RNF217: variants seen among roughly 807,000 people sequenced by gnomAD.
The protein encoded by RNF217 is E3 ubiquitin-protein ligase RNF217.
Under a neutral mutation model 57.8 loss-of-function variants are expected in RNF217, and 31 were observed. That is an observed-to-expected ratio of 0.54 (90% CI 0.40 to 0.72). The LOEUF (loss-of-function observed/expected upper bound fraction) is 0.72. Ranked by LOEUF, RNF217 falls within the 30% of genes least tolerant of loss-of-function variation. RNF217 has a pLI of 0.00. For missense variants in RNF217, 696 were observed against 708.3 expected (o/e 0.98, Z 0.20); for synonymous variants, 313 against 294.0 (o/e 1.06, Z -0.66).
rs750400819 is a variant in RNF217 at position 125,081,522 on chromosome 6, A to C, written c.1555+15A>C. 67 of 1,595,280 alleles carry C rather than the reference A, an allele frequency of 4.2e-5. No individual in the cohort carries two copies. Among genetic ancestry groups the C allele is most frequent in the Middle Eastern group, 3.3e-4 (2 of 6,042 alleles). Reference sequence around the variant, plus strand: ...GGTTGTAATCGGTAAGAAACACTTCATGCATCTGAGATTAGAATTATCTGA... The same window carrying C: ...GGTTGTAATCGGTAAGAAACACTTCCTGCATCTGAGATTAGAATTATCTGA... On this transcript the variant is annotated intron_variant, in intron 5 of 5. Transcript: ENST00000521654.
At chr6:125,062,914 C>T (rs997757418) in intron 3 of RNF217, among the ~76,000 whole-genome samples, 1 of 152,100 alleles carries the variant, frequency 6.6e-6, no homozygotes, top group Non-Finnish European at 1.5e-5. Flanking sequence ...TATGAAACAC[C>T]ATTTTTTATC....
chr6:125,050,771 G>A (rs1787284050), intron 2 of RNF217, among the ~76,000 whole-genome samples: 1 of 151,140 alleles, frequency 6.6e-6, no homozygotes, highest in Non-Finnish European at 1.5e-5. Context: ...ATCTAGTTGT[G>A]CGTCTTCCCT....
chr6:125,019,830 C>CG (rs1554287189), intron 1 of RNF217, among the ~76,000 whole-genome samples: 1,508 of 116,114 alleles, frequency 0.013, 131 homozygotes, highest in Admixed American at 0.094. Context: ...CCCTTTTTTG[C>CG]AGTGGGGGGG....
chr6:124,994,792 A>T (rs1459283012), intron 1 of RNF217, among the ~76,000 whole-genome samples: 1 of 152,190 alleles, frequency 6.6e-6, no homozygotes. Context: ...TAAGAATTAT[A>T]CTTGAAAAAC....
chr6:124,970,661 A>T (rs532312372), intron 1 of RNF217, among the ~76,000 whole-genome samples: 23 of 152,352 alleles, frequency 1.5e-4, no homozygotes, highest in Non-Finnish European at 3.1e-4. Flanking sequence ...ATTTAAAGCT[A>T]TTAGACTGGA....
Position 125,084,893 on chromosome 6 carries a change from A to G in RNF217, c.*1956A>G, listed in dbSNP as rs1233761587. On this transcript the variant is annotated 3_prime_UTR_variant, in exon 6 of 6. Coordinates refer to ENST00000521654, the MANE Select transcript of RNF217 (RefSeq NM_001286398.3). ...TGTAATAGTATTTAAGACTGAAAGA[A>G]GGAGAATTTCTAACCTGTCATAAGA... 1.3e-5 allele frequency: 2 copies of G among 151,924 alleles called. No homozygotes were observed. The highest frequency in any genetic ancestry group is 1.3e-4 in the Admixed American group (2 of 15,220). The allele number at this position is 151,924 out of a possible 1,614,324, so 9.4% of individuals were successfully genotyped here.
intron 1 of RNF217, among the ~76,000 whole-genome samples, chr6:124,979,097 A>G (rs1316948747): frequency 6.6e-6 from 1 of 152,168 alleles, no homozygotes; most frequent in African/African-American, 2.4e-5. Context: ...CATTGACTCT[A>G]TCCAGAGCTG....
In RNF217 at chr6:125,083,094, T is replaced by G. The variant is rs1788639430; in HGVS notation, c.*157T>G. 1.8e-6 allele frequency: 1 copy of G among 541,870 alleles called. No homozygotes were observed. Among genetic ancestry groups the G allele is most frequent in the East Asian group, 3.2e-5 (1 of 31,032 alleles). 33.6% of individuals were successfully genotyped at this position (541,870 alleles called of 1,614,324 possible). A position where few individuals can be genotyped will look rare whatever the true frequency, so the allele number is the denominator to read the frequency against. Reference sequence around the variant, plus strand: ...TGGGCCACAATGCCTCTAGCTATGGTGCACTCCCAACATGGTATCCTGTCC... The same window carrying G: ...TGGGCCACAATGCCTCTAGCTATGGGGCACTCCCAACATGGTATCCTGTCC... On this transcript the variant is annotated 3_prime_UTR_variant, in exon 6 of 6. Transcript: ENST00000521654.
chr6:125,030,541 G>A (rs546944007), intron 1 of RNF217, among the ~76,000 whole-genome samples: 39 of 152,284 alleles, frequency 2.6e-4, no homozygotes, highest in Admixed American at 6.5e-4. Flanking sequence ...AAAACAAAGG[G>A]TTTAGAGCGC....
intron 1 of RNF217, among the ~76,000 whole-genome samples, chr6:124,980,695 TAGAG>T (rs1562450553): frequency 4.7e-5 from 5 of 106,522 alleles, no homozygotes; most frequent in Non-Finnish European, 1.1e-4. Flanking sequence ...TGTTTTTGGT[TAGAG>T]TAGAGTGATA....
At chr6:125,077,975 G>A (rs902554681) in intron 4 of RNF217, among the ~76,000 whole-genome samples, 2 of 152,106 alleles carry the variant, frequency 1.3e-5, no homozygotes, top group African/African-American at 4.8e-5. Context: ...ATACGCAAAT[G>A]CACTTTCACA....
chr6:125,012,645 A>ATG (rs1212907292), intron 1 of RNF217, among the ~76,000 whole-genome samples: 2 of 152,134 alleles, frequency 1.3e-5, no homozygotes, highest in Non-Finnish European at 2.9e-5. Flanking sequence ...ATTTGTTCCT[A>ATG]TGTTTTCCTT....
intron 1 of RNF217, chr6:125,009,064 A>G: frequency 2.0e-6 from 1 of 493,598 alleles, no homozygotes. Context: ...GTTCATAGAG[A>G]ACAAGGAAGT....
At chr6:124,967,874 G>A (rs1783608321) in intron 1 of RNF217, among the ~76,000 whole-genome samples, 2 of 152,078 alleles carry the variant, frequency 1.3e-5, no homozygotes, top group African/African-American at 4.8e-5. Context: ...TGCCTCCCGG[G>A]TTCAAGCGAT....
chr6:125,055,301 C>T (rs1210485976), intron 2 of RNF217, among the ~76,000 whole-genome samples: 1 of 152,094 alleles, frequency 6.6e-6, no homozygotes, highest in East Asian at 1.9e-4. Context: ...TCACAGTTTC[C>T]CACTAAGTCT....
At chr6:125,060,173 T>A (rs1246431100) in intron 3 of RNF217, among the ~76,000 whole-genome samples, 1 of 152,144 alleles carries the variant, frequency 6.6e-6, no homozygotes, top group South Asian at 2.1e-4. Context: ...TTTCTTTTCA[T>A]AAATATATCT....
intron 1 of RNF217, among the ~76,000 whole-genome samples, chr6:125,025,771 GGGAGGGAA>G (rs1237208170): frequency 3.4e-5 from 5 of 145,174 alleles, no homozygotes; most frequent in African/African-American, 1.3e-4. Context: ...GAGGGAGGGA[GGGAGGGAA>G]GGAAGGAAGG....
chr6:125,000,953 G>A (rs796774484), intron 1 of RNF217, among the ~76,000 whole-genome samples: 84 of 152,248 alleles, frequency 5.5e-4, no homozygotes, highest in African/African-American at 1.9e-3. Context: ...TATGATGTAT[G>A]AGAAATGTCT....
chr6:125,081,432 C>G lies in RNF217; in HGVS notation c.1484-4C>G. The G allele has an allele frequency of 6.2e-7, 1 of 1,609,924 alleles. No individual in the cohort carries two copies. The highest frequency in any genetic ancestry group is 8.5e-7 in the Non-Finnish European group (1 of 1,177,594). On this transcript the variant is annotated splice_region_variant and splice_polypyrimidine_tract_variant and intron_variant, in intron 4 of 5. Transcript: ENST00000521654. ...CTTAAATAATTTTGCCTTTTGTTTT[C>G]CAGCTGGAAAATTATTCATTGCACC... is the stretch of plus-strand genomic sequence containing the variant.
Sources: gnomAD v4.1 joint callset for allele counts (sites outside exome capture counted in the v4.1 genomes callset) on GRCh38, gnomAD v4.1.1 for gene constraint, MANE v1.5 for transcripts, NCBI Gene and HGNC (gene_info 2026-07-23, HGNC 2026-07-21) for gene names.